PIGS: variants seen among roughly 807,000 people sequenced by gnomAD.
The protein encoded by PIGS is phosphatidylinositol glycan anchor biosynthesis class S.
A neutral mutation model predicts 58.2 loss-of-function variants in PIGS; 37 were observed. The observed-to-expected ratio is 0.64, with a 90% CI of 0.49 to 0.84. The LOEUF (loss-of-function observed/expected upper bound fraction) is 0.84. PIGS is among the 40% of genes least tolerant of loss of function. PIGS has a pLI of 0.00. For missense variants in PIGS, 629 were observed against 710.8 expected (o/e 0.88, Z 1.31); for synonymous variants, 269 against 289.2 (o/e 0.93, Z 0.71).
intron 6 of PIGS, among the ~76,000 whole-genome samples, chr17:28,560,683 CA>C (rs1284011652): frequency 2.6e-5 from 4 of 152,074 alleles, no homozygotes; most frequent in Non-Finnish European, 4.4e-5. Flanking sequence ...GAGGCTGGGG[CA>C]GGGGAATCGC....
At chr17:28,557,034 C>T (rs2070334890) in intron 8 of PIGS, 62 bp from the exon 9 acceptor site, 19 of 1,590,344 alleles carry the variant, frequency 1.2e-5, no homozygotes, top group South Asian at 3.4e-5. Flanking sequence ...AGTCCCAGGT[C>T]GGCCTCTAAC....
chr17:28,559,657 C>T (rs983589582), intron 7 of PIGS, among the ~76,000 whole-genome samples: 16 of 141,866 alleles, frequency 1.1e-4, no homozygotes, highest in Non-Finnish European at 2.3e-4. Context: ...GCTGGGATCA[C>T]ACCACTGCAC....
intron 5 of PIGS, chr17:28,561,935 A>C (rs1030120119): frequency 6.6e-6 from 2 of 304,028 alleles, no homozygotes; most frequent in Non-Finnish European, 1.2e-5. Context: ...AAGCGGAATA[A>C]ACAGACAACT....
chr17:28,565,648 AG>A (rs2070389644), intron 3 of PIGS, among the ~76,000 whole-genome samples: 1 of 152,160 alleles, frequency 6.6e-6, no homozygotes, highest in African/African-American at 2.4e-5. Flanking sequence ...CCAGCACTTT[AG>A]GGTCCGAGGT....
chr17:28,567,182 T>A (rs2070399335), intron 3 of PIGS, among the ~76,000 whole-genome samples: 1 of 152,180 alleles, frequency 6.6e-6, no homozygotes, highest in East Asian at 1.9e-4. Context: ...AATCTTTGCA[T>A]CACCCAAAAT....
rs1192070458 is a variant in PIGS, at chr17:28,561,366, C to T, written c.676+56G>A. 45 of 1,574,658 alleles carry T rather than the reference C, an allele frequency of 2.9e-5. No individual in the cohort carries two copies. The East Asian group carries it at 9.7e-4, about 34-fold the overall frequency. On this transcript the variant is annotated intron_variant, in intron 6 of 11. Coordinates refer to ENST00000308360, the MANE Select transcript of PIGS (RefSeq NM_033198.4). ...AAGAAGTTGGCATGCAGATTTCCCTCCTGCCCCATGTAATTCATTTCCTCT... is the reference window on the plus strand; with the variant it reads ...AAGAAGTTGGCATGCAGATTTCCCTTCTGCCCCATGTAATTCATTTCCTCT...
intron 1 of PIGS, 128 bp from the exon 2 acceptor site, chr17:28,571,316 A>T (rs2070427926): frequency 6.6e-7 from 1 of 1,512,278 alleles, no homozygotes; most frequent in Admixed American, 2.1e-5. Context: ...GTGCGAAGGG[A>T]CCCGGCCCAA....
intron 3 of PIGS, among the ~76,000 whole-genome samples, chr17:28,568,804 CAAG>C (rs1369394317): frequency 6.6e-6 from 1 of 152,082 alleles, no homozygotes; most frequent in East Asian, 1.9e-4. Context: ...GTTTAGAAAA[CAAG>C]AAGTTTGGCT....
chr17:28,569,097 C>CAAAAAA (rs564819903), intron 3 of PIGS, among the ~76,000 whole-genome samples: 1 of 52,344 alleles, frequency 1.9e-5, no homozygotes, highest in Non-Finnish European at 4.0e-5. Flanking sequence ...AACTCCATCT[C>CAAAAAA]AAAAAAAAAA....
In PIGS at chr17:28,554,547, G is replaced by C. The variant is rs756222742; in HGVS notation, c.1393-52C>G. 4 of 1,576,910 alleles carry C rather than the reference G, an allele frequency of 2.5e-6. No individual in the cohort carries two copies. The South Asian group carries it at 4.6e-5, about 18-fold the overall frequency. On this transcript the variant is annotated intron_variant, in intron 11 of 11. Coordinates refer to ENST00000308360, the MANE Select transcript of PIGS (RefSeq NM_033198.4). ...ATACCAGTAAGTCCTAGGCATTGGT[G>C]GAAAGGGTGCTGGGCCTTACTGTGC...
Position 28,564,882 on chromosome 17 carries a change from A to C in PIGS, c.287-975T>G, listed in dbSNP as rs1029590745. On this transcript the variant is annotated intron_variant, in intron 3 of 11. Transcript: ENST00000308360. Reference sequence around the variant, plus strand: ...TAATAGAACCAGACCTTGTCTCAAAAAAATAAAAAATAAAAACCACACACT... The same window carrying C: ...TAATAGAACCAGACCTTGTCTCAAACAAATAAAAAATAAAAACCACACACT... Among the ~76,000 whole-genome samples the C allele has an allele frequency of 4.0e-4, 61 of 152,170 alleles. 1 individual carries two copies. The highest frequency in any genetic ancestry group is 4.4e-5 in the Non-Finnish European group (3 of 68,036).
intron 11 of PIGS, 123 bp downstream of exon 11, chr17:28,554,728 G>T: frequency 7.4e-7 from 1 of 1,351,518 alleles, no homozygotes; most frequent in Non-Finnish European, 1.0e-6. Context: ...AGGAAGGCTG[G>T]GACACTAAAG....
chr17:28,567,562 T>C (rs750584905), intron 3 of PIGS, among the ~76,000 whole-genome samples: 4 of 152,212 alleles, frequency 2.6e-5, no homozygotes, highest in South Asian at 2.1e-4. Flanking sequence ...ACCTTGGAGA[T>C]AACTGGAGAG....
Position 28,570,915 on chromosome 17 carries a change from GCACTGACTC to G in PIGS, c.214_222del (p.Glu72_Val74del). 6.2e-7 allele frequency: 1 copy of G among 1,614,210 alleles called. No individual in the cohort carries two copies. Among genetic ancestry groups the G allele is most frequent in the Middle Eastern group, 1.6e-4 (1 of 6,062 alleles). On this transcript the variant is annotated inframe_deletion, in exon 3 of 12. Transcript: ENST00000308360. ...GGCAGCTTCTCCTGGTCGTCCAGGG[GCACTGACTC>G]CCGCGTAAACACGACAGTGACAGGC...
intron 5 of PIGS, 96 bp downstream of exon 5, chr17:28,563,335 T>A: frequency 6.5e-6 from 7 of 1,069,660 alleles, no homozygotes; most frequent in East Asian, 2.5e-5. Context: ...CTGTAGCAAA[T>A]GGAAGAAATG....
intron 3 of PIGS, among the ~76,000 whole-genome samples, chr17:28,568,393 ACAT>A (rs1473808647): frequency 6.6e-6 from 1 of 152,138 alleles, no homozygotes; most frequent in Non-Finnish European, 1.5e-5. Context: ...GTGAGCTACC[ACAT>A]CCAGCTTTGT....
At position 28,554,072 on chromosome 17, in the gene PIGS, G is replaced by C. The variant is rs927237506; in HGVS notation, c.*148C>G. ...GAAGAAAAGATGAACCCATCTTGGA[G>C]TGTTGTACTTTGGTTGCTGGAGAGC... On this transcript the variant is annotated 3_prime_UTR_variant, in exon 12 of 12. Transcript: ENST00000308360. 2.0e-6 allele frequency: 2 copies of C among 986,098 alleles called. No individual in the cohort carries two copies. The highest frequency in any genetic ancestry group is 3.4e-4 in the Middle Eastern group (1 of 2,976). 61.1% of individuals were successfully genotyped at this position (986,098 alleles called of 1,614,324 possible).
chr17:28,558,988 C>CT (rs532395698), intron 7 of PIGS, among the ~76,000 whole-genome samples: 69 of 149,736 alleles, frequency 4.6e-4, no homozygotes, highest in Middle Eastern at 3.4e-3. Flanking sequence ...TTCTTCACAT[C>CT]TTTTTTTTTT....
intron 6 of PIGS, 51 bp from the exon 7 acceptor site, chr17:28,560,242 A>AG (rs750925450): frequency 6.4e-7 from 1 of 1,572,650 alleles, no homozygotes; most frequent in South Asian, 1.1e-5. Flanking sequence ...ATCAAAGAAG[A>AG]GGGGCAGCCT....
Sources: gnomAD v4.1 joint callset for allele counts (sites outside exome capture counted in the v4.1 genomes callset) on GRCh38, gnomAD v4.1.1 for gene constraint, MANE v1.5 for transcripts, NCBI Gene and HGNC (gene_info 2026-07-23, HGNC 2026-07-21) for gene names.